SPOCK3: variants seen among roughly 807,000 people sequenced by gnomAD.
The protein encoded by SPOCK3 is SPARC (osteonectin), cwcv and kazal like domains proteoglycan 3.
Under a neutral mutation model 56.6 loss-of-function variants are expected in SPOCK3, and 30 were observed. That is an observed-to-expected ratio of 0.53 (90% CI 0.40 to 0.72). The LOEUF (loss-of-function observed/expected upper bound fraction) is 0.72, where lower values mean the gene tolerates loss of function less well. Ranked by LOEUF, SPOCK3 falls within the 30% of genes least tolerant of loss-of-function variation. The pLI, the probability that SPOCK3 is intolerant of heterozygous loss-of-function variation, is 0.00. For missense variants in SPOCK3, 527 were observed against 530.0 expected (o/e 0.99, Z 0.06); for synonymous variants, 196 against 183.3 (o/e 1.07, Z -0.56).
At chr4:166,961,729 A>G (rs569967702) in intron 4 of SPOCK3, among the ~76,000 whole-genome samples, 4 of 152,078 alleles carry the variant, frequency 2.6e-5, no homozygotes, top group African/African-American at 9.7e-5. Context: ...TTTCCTTGCA[A>G]TTCAAGAATC....
chr4:167,116,707 T>TATATAGTATATATGTATATATACACAC (rs1247035837), intron 2 of SPOCK3, among the ~76,000 whole-genome samples: 3 of 121,314 alleles, frequency 2.5e-5, no homozygotes, highest in Non-Finnish European at 4.9e-5. Flanking sequence ...TATATATACG[T>TATATAGTATATATGTATATATACACAC]ATATAGTATA....
chr4:166,846,616 A>C (rs747891951), intron 6 of SPOCK3, among the ~76,000 whole-genome samples: 1 of 152,072 alleles, frequency 6.6e-6, no homozygotes. Flanking sequence ...GCCTGTTTTT[A>C]TTTTTGGACA....
chr4:166,895,285 A>T (rs1310733827), intron 5 of SPOCK3, among the ~76,000 whole-genome samples: 3 of 152,100 alleles, frequency 2.0e-5, no homozygotes, highest in African/African-American at 4.8e-5. Context: ...AACAACTAAG[A>T]GGATTTTTCA....
At chr4:166,774,251 T>C (rs1739277502) in intron 7 of SPOCK3, among the ~76,000 whole-genome samples, 1 of 152,196 alleles carries the variant, frequency 6.6e-6, no homozygotes, top group Non-Finnish European at 1.5e-5. Flanking sequence ...CGTGGATGAA[T>C]GAACGATACG....
chr4:166,884,390 C>G (rs957531636), intron 6 of SPOCK3, among the ~76,000 whole-genome samples: 2 of 151,316 alleles, frequency 1.3e-5, no homozygotes, highest in African/African-American at 4.9e-5. Context: ...AAAAAAATGA[C>G]CGATAATAAC....
intron 2 of SPOCK3, among the ~76,000 whole-genome samples, chr4:167,191,311 T>C (rs1296548340): frequency 6.9e-6 from 1 of 145,614 alleles, no homozygotes; most frequent in African/African-American, 2.6e-5. Flanking sequence ...AAGCACAGAT[T>C]TATTGAAATG....
At chr4:166,795,142 G>A (rs974436030) in intron 6 of SPOCK3, among the ~76,000 whole-genome samples, 5 of 152,112 alleles carry the variant, frequency 3.3e-5, no homozygotes, top group African/African-American at 1.2e-4. Flanking sequence ...AAACACTGGA[G>A]TATCAGCTTC....
intron 4 of SPOCK3, among the ~76,000 whole-genome samples, chr4:166,995,536 T>C (rs1481898294): frequency 2.0e-5 from 3 of 151,128 alleles, no homozygotes; most frequent in African/African-American, 7.3e-5. Flanking sequence ...AGGCATGATT[T>C]CAAATCTGAA....
chr4:166,935,795 G>A (rs902408563), intron 4 of SPOCK3, among the ~76,000 whole-genome samples: 1 of 152,128 alleles, frequency 6.6e-6, no homozygotes, highest in Non-Finnish European at 1.5e-5. Context: ...AAGACATGAC[G>A]GTGGTCTAAA....
At chr4:167,148,639 T>C (rs774454055) in intron 2 of SPOCK3, among the ~76,000 whole-genome samples, 28 of 152,144 alleles carry the variant, frequency 1.8e-4, no homozygotes, top group Non-Finnish European at 3.4e-4. Flanking sequence ...TATAACCGTG[T>C]ATAGTCTTCA....
chr4:167,015,730 A>C (rs1453834960), intron 3 of SPOCK3, among the ~76,000 whole-genome samples: 2 of 152,136 alleles, frequency 1.3e-5, no homozygotes, highest in Non-Finnish European at 2.9e-5. Flanking sequence ...GCGTGATTAG[A>C]TTAAAACCCA....
intron 6 of SPOCK3, among the ~76,000 whole-genome samples, chr4:166,823,975 C>T (rs1181146656): frequency 1.3e-5 from 2 of 152,078 alleles, no homozygotes; most frequent in Admixed American, 6.6e-5. Flanking sequence ...TGAGACAGGG[C>T]TTTGCAGTAT....
chr4:167,065,961 T>C (rs1756085805), intron 2 of SPOCK3, among the ~76,000 whole-genome samples: 1 of 151,888 alleles, frequency 6.6e-6, no homozygotes, highest in Admixed American at 6.6e-5. Flanking sequence ...AGTTGGATTA[T>C]TGTCACATAT....
At chr4:166,961,858 G>A (rs1307281801) in intron 4 of SPOCK3, among the ~76,000 whole-genome samples, 1 of 152,102 alleles carries the variant, frequency 6.6e-6, no homozygotes, top group East Asian at 1.9e-4. Context: ...CTCTAAACCT[G>A]AGCATCTTCA....
chr4:166,763,840 C>G (rs890264651), intron 7 of SPOCK3, among the ~76,000 whole-genome samples: 4 of 152,016 alleles, frequency 2.6e-5, no homozygotes, highest in African/African-American at 7.2e-5. Flanking sequence ...TAGATGACCA[C>G]GAAATTTAAT....
chr4:167,192,088 AT>A (rs1452779467), intron 2 of SPOCK3, among the ~76,000 whole-genome samples: 1 of 145,786 alleles, frequency 6.9e-6, no homozygotes, highest in African/African-American at 2.6e-5. Context: ...ACACTTAATG[AT>A]TGTTTTATGT....
At chr4:166,950,199 T>G (rs1742370712) in intron 4 of SPOCK3, among the ~76,000 whole-genome samples, 1 of 151,748 alleles carries the variant, frequency 6.6e-6, no homozygotes, top group Non-Finnish European at 1.5e-5. Context: ...CCATCTCATG[T>G]GCAGAGACAC....
intron 4 of SPOCK3, among the ~76,000 whole-genome samples, chr4:166,954,596 C>T (rs1334774554): frequency 6.6e-6 from 1 of 152,122 alleles, no homozygotes; most frequent in Non-Finnish European, 1.5e-5. Context: ...GCACCATTGT[C>T]AAAAATCAGT....
chr4:167,083,916 G>A (rs1425735660), intron 2 of SPOCK3, among the ~76,000 whole-genome samples: 5 of 151,974 alleles, frequency 3.3e-5, no homozygotes, highest in East Asian at 1.9e-4. Flanking sequence ...ATGGTACATC[G>A]CCTGGGTAGG....
Sources: allele counts gnomAD v4.1 joint callset (sites outside exome capture counted in the v4.1 genomes callset), GRCh38; gene constraint gnomAD v4.1.1; transcripts MANE v1.5; gene names NCBI Gene and HGNC (gene_info 2026-07-23, HGNC 2026-07-21).